The following THSD4 variants were observed in gnomAD, a reference collection of about 807,000 sequenced individuals.
THSD4 encodes thrombospondin type-1 domain-containing protein 4.
THSD4 carries 69 observed loss-of-function variants against 119.0 expected under a neutral mutation model. The observed-to-expected ratio is 0.58, with a 90% CI of 0.48 to 0.71. The LOEUF (loss-of-function observed/expected upper bound fraction) is 0.71, where lower values mean the gene tolerates loss of function less well. Among genes scored for constraint, THSD4 ranks in the 30% least tolerant of loss-of-function variants. The pLI is 0.00. For missense variants in THSD4, 1,393 were observed against 1,391.1 expected (o/e 1.00, Z -0.02); for synonymous variants, 524 against 540.4 (o/e 0.97, Z 0.42).
chr15:71,670,394 T>A (rs1395742462), intron 8 of THSD4, among the ~76,000 whole-genome samples: 2 of 152,022 alleles, frequency 1.3e-5, no homozygotes, highest in East Asian at 3.9e-4. Flanking sequence ...TCCATGTCCC[T>A]ACAAAGGACA....
chr15:71,305,034 T>C (rs1010033454), intron 6 of THSD4, among the ~76,000 whole-genome samples: 38 of 152,240 alleles, frequency 2.5e-4, no homozygotes, highest in African/African-American at 8.7e-4. Context: ...CCAACACATA[T>C]TCTTTTCACC....
chr15:71,630,672 G>C lies in THSD4; in HGVS notation c.1153-29858G>C, dbSNP rs74022181. Among the ~76,000 whole-genome samples the C allele has an allele frequency of 2.8e-3, 422 of 152,274 alleles. 1 individual carries two copies. Among genetic ancestry groups the C allele is most frequent in the African/African-American group, 9.6e-3 (400 of 41,562 alleles). The stretch of plus-strand genomic sequence containing the variant: ...GACAGTCTGGGCTGTCCAGGAAAGA[G>C]CGAGCTTCACAAAGACTAAGGCCCT... On this transcript the variant is annotated intron_variant, in intron 7 of 17. Transcript: ENST00000261862.
intron 7 of THSD4, among the ~76,000 whole-genome samples, chr15:71,487,697 A>G (rs2047844107): frequency 6.6e-6 from 1 of 152,214 alleles, no homozygotes; most frequent in African/African-American, 2.4e-5. Flanking sequence ...TTTGTTGAGG[A>G]CCTTCAGAAA....
intron 6 of THSD4, among the ~76,000 whole-genome samples, chr15:71,367,070 A>C (rs1444644923): frequency 1.3e-5 from 2 of 152,194 alleles, no homozygotes; most frequent in African/African-American, 2.4e-5. Context: ...ATGAACTTTG[A>C]AATGTTTGTA....
chr15:71,362,636 A>G (rs532173512), intron 6 of THSD4, among the ~76,000 whole-genome samples: 4 of 152,276 alleles, frequency 2.6e-5, no homozygotes, highest in South Asian at 4.1e-4. Flanking sequence ...AGTATTCTTG[A>G]ACTATTTTGC....
chr15:71,226,975 T>C (rs2044022521), intron 4 of THSD4, among the ~76,000 whole-genome samples: 1 of 152,198 alleles, frequency 6.6e-6, no homozygotes, highest in Non-Finnish European at 1.5e-5. Flanking sequence ...CCCTGAATCG[T>C]TTGACAAGAA....
chr15:71,382,026 G>A (rs2046235438), intron 6 of THSD4, among the ~76,000 whole-genome samples: 2 of 152,076 alleles, frequency 1.3e-5, no homozygotes, highest in South Asian at 4.1e-4. Flanking sequence ...GGGGAAGTTT[G>A]TCAAAAATGT....
At chr15:71,409,162 C>CG (rs985433202) in intron 6 of THSD4, among the ~76,000 whole-genome samples, 7 of 150,812 alleles carry the variant, frequency 4.6e-5, no homozygotes, top group Non-Finnish European at 1.0e-4. Context: ...TTTTCCCCCC[C>CG]CCTCAGAATG....
At chr15:71,539,985 G>GACAGA (rs1477945045) in intron 7 of THSD4, among the ~76,000 whole-genome samples, 1 of 151,976 alleles carries the variant, frequency 6.6e-6, no homozygotes, top group African/African-American at 2.4e-5. Flanking sequence ...ACAGAAGCCA[G>GACAGA]GGCAGTGCCC....
At chr15:71,750,978 T>C (rs148443750) in intron 14 of THSD4, among the ~76,000 whole-genome samples, 398 of 152,312 alleles carry the variant, frequency 2.6e-3, no homozygotes, top group African/African-American at 9.2e-3. Context: ...CCCAAACCCT[T>C]TATCAGAAAT....
At position 71,211,033 on chromosome 15, in the gene THSD4, A is replaced by G. The variant is rs536941709; in HGVS notation, c.100-4002A>G. Among the ~76,000 whole-genome samples, 142 of 152,322 alleles carry G rather than the reference A, an allele frequency of 9.3e-4. 5 individuals carry two copies. In the South Asian group the frequency reaches 0.028, roughly 30 times the overall value. On this transcript the variant is annotated intron_variant, in intron 3 of 17. Coordinates refer to ENST00000261862, the MANE Select transcript of THSD4 (RefSeq NM_024817.3). ...GAGCTGCTGGTGAAAGAGTATGTGCATTGGAAATTGTGATAGGTATTGCAA... is the reference window on the plus strand; with the variant it reads ...GAGCTGCTGGTGAAAGAGTATGTGCGTTGGAAATTGTGATAGGTATTGCAA...
chr15:71,199,701 TGTCTGG>T (rs2043767497), intron 3 of THSD4, among the ~76,000 whole-genome samples: 3 of 5,156 alleles, frequency 5.8e-4, no homozygotes, highest in Non-Finnish European at 1.3e-3. Context: ...GTGTGTGTGG[TGTCTGG>T]GTGTGTGGTG....
At position 71,389,810 on chromosome 15, in the gene THSD4, G is replaced by GGTTTTTTTTTTT. The variant is rs1555408976; in HGVS notation, c.1016-21877_1016-21876insGTTTTTTTTTTT. 1.9e-3 allele frequency among the ~76,000 whole-genome samples: 171 copies of GGTTTTTTTTTTT among 88,026 alleles called. 1 individual carries two copies. Among genetic ancestry groups the GGTTTTTTTTTTT allele is most frequent in the African/African-American group, 7.1e-3 (164 of 23,042 alleles). 57.7% of individuals were successfully genotyped at this position (88,026 alleles called of 152,430 possible). A position where few individuals can be genotyped will look rare whatever the true frequency, so the allele number is the denominator to read the frequency against. ...GCCAACACTTGCTATTTTCTGGGTTGTTTTTTTTTTTTTTTTTGACACAGA... is the reference window on the plus strand; with the variant it reads ...GCCAACACTTGCTATTTTCTGGGTTGGTTTTTTTTTTTTTTTTTTTTTTTTTTTTGACACAGA... On this transcript the variant is annotated intron_variant, in intron 6 of 17. Transcript: ENST00000261862.
At chr15:71,109,493 T>A (rs542151565) in intron 1 of THSD4, among the ~76,000 whole-genome samples, 11 of 152,196 alleles carry the variant, frequency 7.2e-5, no homozygotes, top group Non-Finnish European at 1.5e-4. Flanking sequence ...GAAGGGGCTA[T>A]ACAAGTTGGT....
chr15:71,748,494 A>G lies in THSD4; in HGVS notation c.2315A>G (p.Asp772Gly). 6.2e-7 allele frequency: 1 copy of G among 1,614,206 alleles called. No individual in the cohort carries two copies. The highest frequency in any genetic ancestry group is 8.5e-7 in the Non-Finnish European group (1 of 1,180,042). The change falls in exon 14 of 18, where the codon GAC becomes GGC. Residue 772 changes from aspartate to glycine, a missense_variant. Asp to Gly is a moderately conservative substitution (Grantham distance 94). Transcript: ENST00000261862. Reference sequence around the variant, plus strand: ...GTGAGCAACATTGGGGATGTGGTTGACGATGAGGAATGCAACATGAAGCTC... The same window carrying G: ...GTGAGCAACATTGGGGATGTGGTTGGCGATGAGGAATGCAACATGAAGCTC... ...KCVSNIGDVVDDEECNMKLRP... is the reference protein window; with the variant it reads ...KCVSNIGDVVGDEECNMKLRP...
chr15:71,259,113 C>CA lies in THSD4; in HGVS notation c.1015+2407dup, dbSNP rs375541278. On this transcript the variant is annotated intron_variant, in intron 6 of 17. Transcript: ENST00000261862. Reference sequence around the variant, plus strand: ...GGACAACAAGAGTGCAACTCCGTCTCAAAAAAAAACAAAAAACAAAAAAAA... The same window carrying CA: ...GGACAACAAGAGTGCAACTCCGTCTCAAAAAAAAAACAAAAAACAAAAAAAA... Among the ~76,000 whole-genome samples the CA allele has an allele frequency of 4.4e-3, 638 of 145,078 alleles. 3 individuals are homozygous for CA. Among genetic ancestry groups the CA allele is most frequent in the African/African-American group, 0.015 (602 of 39,324 alleles).
intron 8 of THSD4, among the ~76,000 whole-genome samples, chr15:71,677,568 TCTGTTTA>T (rs1331061813): frequency 2.6e-5 from 4 of 152,218 alleles, no homozygotes; most frequent in Admixed American, 1.3e-4. Flanking sequence ...TGTCCTTGCA[TCTGTTTA>T]CAGGGACTTT....
At chr15:71,212,025 A>G (rs1295965680) in intron 3 of THSD4, among the ~76,000 whole-genome samples, 4 of 152,144 alleles carry the variant, frequency 2.6e-5, no homozygotes, top group African/African-American at 9.7e-5. Context: ...ATCAGAACAG[A>G]AGAAGGGGAG....
intron 14 of THSD4, among the ~76,000 whole-genome samples, chr15:71,751,908 C>G (rs1031141617): frequency 6.6e-6 from 1 of 152,118 alleles, no homozygotes; most frequent in African/African-American, 2.4e-5. Flanking sequence ...TTATATGCAC[C>G]TCTTCTTATC....
Sources: gnomAD v4.1 joint callset for allele counts (sites outside exome capture counted in the v4.1 genomes callset) on GRCh38, gnomAD v4.1.1 for gene constraint, MANE v1.5 for transcripts, NCBI Gene and HGNC (gene_info 2026-07-23, HGNC 2026-07-21) for gene names.